The following SMC5 variants were observed in gnomAD, a reference collection of about 807,000 sequenced individuals.
SMC5 encodes structural maintenance of chromosomes 5, also known as structural maintenance of chromosomes protein 5.
A neutral mutation model predicts 148.3 loss-of-function variants in SMC5; 88 were observed. That is an observed-to-expected ratio of 0.59 (90% CI 0.50 to 0.71). The LOEUF is 0.71. Among genes scored for constraint, SMC5 ranks in the 30% least tolerant of loss-of-function variants. The pLI, the probability that SMC5 is intolerant of heterozygous loss-of-function variation, is 0.00. For missense variants in SMC5, 1,142 were observed against 1,298.9 expected, an observed-to-expected ratio of 0.88 and a Z score of 1.86; for synonymous variants, 421 against 432.8, an observed-to-expected ratio of 0.97 and a Z score of 0.34.
At chr9:70,297,849 T>C (rs531134497) in intron 8 of SMC5, 117 bp from the exon 9 acceptor site, 37 of 1,187,484 alleles carry the variant, frequency 3.1e-5, no homozygotes, top group Non-Finnish European at 4.4e-5. Context: ...AGGACACCTT[T>C]TAGTGAGGAA....
intron 17 of SMC5, among the ~76,000 whole-genome samples, chr9:70,335,809 G>A (rs1278418866): frequency 6.6e-6 from 1 of 152,074 alleles, no homozygotes; most frequent in African/African-American, 2.4e-5. Context: ...CACCCCAAAA[G>A]TTAGGGAAGA....
rs901397113 is a variant in SMC5, at chr9:70,302,278, G to A, written c.1464+2078G>A. On this transcript the variant is annotated intron_variant, in intron 10 of 24. Coordinates refer to ENST00000361138, the MANE Select transcript of SMC5 (RefSeq NM_015110.4). ...CTTTGAGAGACTGAGGGGGTGGAACGAGGTCAGAAGATTGAGACCATCCTG... is the reference window on the plus strand; with the variant it reads ...CTTTGAGAGACTGAGGGGGTGGAACAAGGTCAGAAGATTGAGACCATCCTG... Among the ~76,000 whole-genome samples the A allele has an allele frequency of 3.3e-5, 5 of 152,184 alleles. No individual in the cohort carries two copies. The East Asian group carries it at 5.8e-4, about 18-fold the overall frequency.
chr9:70,314,078 C>T (rs1025579634), intron 11 of SMC5, among the ~76,000 whole-genome samples: 5 of 152,136 alleles, frequency 3.3e-5, no homozygotes, highest in Admixed American at 3.3e-4. Context: ...TTTAGATGGG[C>T]GTTTATATGC....
intron 5 of SMC5, among the ~76,000 whole-genome samples, chr9:70,280,049 GA>G (rs919591729): frequency 4.6e-5 from 7 of 152,086 alleles, no homozygotes; most frequent in South Asian, 4.2e-4. Flanking sequence ...ACCAGACAGG[GA>G]AAAAAATGTT....
chr9:70,347,476 T>A (rs1271588478), intron 20 of SMC5, 137 bp from the exon 21 acceptor site: 1 of 567,718 alleles, frequency 1.8e-6, no homozygotes, highest in African/African-American at 1.9e-5. Flanking sequence ...CAGTATGTAA[T>A]AAGAGCATAT....
In SMC5 at chr9:70,300,089, GA is replaced by G; in HGVS notation, c.1355del (p.Lys452ArgfsTer5). The G allele has an allele frequency of 6.3e-7, 1 of 1,598,758 alleles. No individual in the cohort carries two copies. Among genetic ancestry groups the G allele is most frequent in the Non-Finnish European group, 8.5e-7 (1 of 1,176,144 alleles). On this transcript the variant is annotated frameshift_variant, in exon 10 of 25. Transcript: ENST00000361138. LOFTEE classifies it high-confidence loss of function. ...IVRFDNLMNQ[K>X]EDKLRQRFRD... is the part of the protein sequence containing the mutation. The stretch of plus-strand genomic sequence containing the variant: ...TACGTTTTGACAATCTTATGAATCA[GA>G]AGGAAGATAAGCTAAGACAGAGATT...
At chr9:70,270,167 T>G (rs1367127688) in intron 3 of SMC5, among the ~76,000 whole-genome samples, 1 of 152,166 alleles carries the variant, frequency 6.6e-6, no homozygotes, top group Non-Finnish European at 1.5e-5. Flanking sequence ...CAGCTGTAAA[T>G]TGAGGTTCTC....
chr9:70,279,888 A>G (rs973410542), intron 5 of SMC5, among the ~76,000 whole-genome samples: 12 of 151,024 alleles, frequency 7.9e-5, no homozygotes, highest in Non-Finnish European at 1.6e-4. Context: ...CAGGTTTGTT[A>G]TATAGGCACA....
rs568042987 is a variant in SMC5, at chr9:70,308,387, C to T, written c.1578+3027C>T. 3.3e-5 allele frequency among the ~76,000 whole-genome samples: 5 copies of T among 151,498 alleles called. No homozygotes were observed. The South Asian group carries it at 6.3e-4, about 19-fold the overall frequency. On this transcript the variant is annotated intron_variant, in intron 11 of 24. Coordinates refer to ENST00000361138, the MANE Select transcript of SMC5 (RefSeq NM_015110.4). ...TTGGGAGGCTGAGGGGGGCGGATCACGAGGTCAGGAGTTTGAGACCACGGT... is the reference window on the plus strand; with the variant it reads ...TTGGGAGGCTGAGGGGGGCGGATCATGAGGTCAGGAGTTTGAGACCACGGT...
intron 17 of SMC5, among the ~76,000 whole-genome samples, chr9:70,338,639 C>CT (rs2036429508): frequency 2.6e-5 from 4 of 152,146 alleles, no homozygotes; most frequent in South Asian, 2.1e-4. Flanking sequence ...AACTTCTAGC[C>CT]TTTTTTACCT....
At chr9:70,352,144 A>G in intron 24 of SMC5, 47 bp from the exon 25 acceptor site, 1 of 1,495,600 alleles carries the variant, frequency 6.7e-7, no homozygotes, top group Non-Finnish European at 9.1e-7. Flanking sequence ...GGAAAACTAT[A>G]CTTCTCAGTA....
At chr9:70,311,296 A>C (rs1774503731) in intron 11 of SMC5, 1 of 152,158 alleles carries the variant, frequency 6.6e-6, no homozygotes, top group Admixed American at 6.6e-5. Flanking sequence ...TGTGTCAGGG[A>C]ATAGGGACAC....
At chr9:70,348,604 T>A (rs1206810509) in intron 22 of SMC5, among the ~76,000 whole-genome samples, 1 of 151,740 alleles carries the variant, frequency 6.6e-6, no homozygotes, top group Non-Finnish European at 1.5e-5. Flanking sequence ...GGTGCAAGGA[T>A]GACTTGAGCC....
intron 8 of SMC5, among the ~76,000 whole-genome samples, chr9:70,288,362 T>G (rs1236219885): frequency 2.0e-5 from 3 of 152,170 alleles, no homozygotes; most frequent in Non-Finnish European, 2.9e-5. Context: ...TTCCTATCAC[T>G]GATATTTGTG....
chr9:70,302,364 C>T (rs1007347887), intron 10 of SMC5, among the ~76,000 whole-genome samples: 4 of 151,924 alleles, frequency 2.6e-5, no homozygotes, highest in East Asian at 3.9e-4. Flanking sequence ...CATGGTGGCA[C>T]GTGCCTGTAA....
At chr9:70,270,286 C>T (rs1007838676) in intron 3 of SMC5, among the ~76,000 whole-genome samples, 1 of 152,102 alleles carries the variant, frequency 6.6e-6, no homozygotes, top group African/African-American at 2.4e-5. Flanking sequence ...AAATACAGGG[C>T]GAGGTCTGGA....
At position 70,264,338 on chromosome 9, in the gene SMC5, C is replaced by T. The variant is rs575090507; in HGVS notation, c.220C>T (p.His74Tyr). Residue 74 changes from histidine (H) to tyrosine (Y), a missense_variant, in exon 2 of 25, where the codon CAC becomes TAC. Physicochemically the swap from His to Tyr is moderately conservative, Grantham distance 83. Around this residue, in one of 5 missense-constraint regions of SMC5, gnomAD observed 297 missense variants for 302.6 expected, o/e 0.98. Coordinates refer to ENST00000361138, the MANE Select transcript of SMC5 (RefSeq NM_015110.4). ...YDICEVSPGP[H>Y]LNMIVGANGT... is the part of the protein sequence containing the mutation. ...TATTTGTGAAGTATCTCCTGGACCC[C>T]ACTTGAATATGATCGTTGGAGCCAA... The T allele has an allele frequency of 1.2e-6, 2 of 1,613,862 alleles. No individual in the cohort carries two copies. Among genetic ancestry groups the T allele is most frequent in the South Asian group, 1.1e-5 (1 of 91,062 alleles).
chr9:70,312,643 G>A (rs1006045319), intron 11 of SMC5, among the ~76,000 whole-genome samples: 2 of 152,186 alleles, frequency 1.3e-5, no homozygotes, highest in Non-Finnish European at 2.9e-5. Context: ...ATTGTAAATG[G>A]ATGTCAAGTT....
At chr9:70,268,975 T>G (rs940810327) in intron 3 of SMC5, among the ~76,000 whole-genome samples, 3 of 152,182 alleles carry the variant, frequency 2.0e-5, no homozygotes, top group African/African-American at 7.2e-5. Context: ...TGCACATTAT[T>G]TAGGTGATTT....
Sources: allele counts gnomAD v4.1 joint callset (sites outside exome capture counted in the v4.1 genomes callset), GRCh38; gene constraint gnomAD v4.1.1; regional missense constraint gnomAD v4.1.1; transcripts MANE v1.5; gene names NCBI Gene and HGNC (gene_info 2026-07-23, HGNC 2026-07-21).